The following SSPN variants were observed in gnomAD, a reference collection of about 807,000 sequenced individuals.
SSPN encodes the protein sarcospan.
In SSPN, 15 loss-of-function variants were observed where a neutral mutation model predicts 19.1. That is an observed-to-expected ratio of 0.78 (90% CI 0.52 to 1.21). The LOEUF is 1.21. SSPN is among the 50% of genes most tolerant of loss of function. The probability of loss-of-function intolerance (pLI) is 0.00; values close to 1 mark genes in which losing one functional copy is unlikely to be tolerated. For synonymous variants in SSPN, 147 were observed against 140.3 expected (o/e 1.05, Z -0.34); for missense variants, 291 against 314.0 (o/e 0.93, Z 0.55).
At chr12:26,201,368 AC>A (rs1201073211) in intron 1 of SSPN, among the ~76,000 whole-genome samples, 1 of 150,700 alleles carries the variant, frequency 6.6e-6, no homozygotes, top group Non-Finnish European at 1.5e-5. Context: ...ACAGAGTGAG[AC>A]CCCATAACAG....
chr12:26,158,087 T>A (rs1412630742), intron 1 of SSPN, among the ~76,000 whole-genome samples: 1 of 152,220 alleles, frequency 6.6e-6, no homozygotes, highest in Non-Finnish European at 1.5e-5. Context: ...AATATGTTGA[T>A]TTTAATTATT....
intron 1 of SSPN, among the ~76,000 whole-genome samples, chr12:26,213,104 G>A (rs1945008825): frequency 6.7e-6 from 1 of 148,906 alleles, no homozygotes; most frequent in Admixed American, 6.7e-5. Flanking sequence ...CATATGGCCA[G>A]AAAAATAGTT....
intron 1 of SSPN, among the ~76,000 whole-genome samples, chr12:26,215,809 T>C (rs1945041634): frequency 1.3e-5 from 2 of 152,122 alleles, no homozygotes; most frequent in Admixed American, 6.5e-5. Context: ...TGCAATGAGG[T>C]CATATTTAAA....
intron 1 of SSPN, among the ~76,000 whole-genome samples, chr12:26,129,560 G>C (rs1268798981): frequency 6.6e-6 from 1 of 152,218 alleles, no homozygotes; most frequent in Non-Finnish European, 1.5e-5. Context: ...GTTATTTGCT[G>C]AAAGTACCGG....
intron 1 of SSPN, among the ~76,000 whole-genome samples, chr12:26,185,090 C>T (rs868042570): frequency 1.3e-5 from 2 of 152,122 alleles, no homozygotes; most frequent in Admixed American, 6.5e-5. Flanking sequence ...AGAAACAGAA[C>T]TTAAGCTAAT....
chr12:26,154,077 G>A (rs1203227279), intron 1 of SSPN, among the ~76,000 whole-genome samples: 1 of 152,142 alleles, frequency 6.6e-6, no homozygotes, highest in Non-Finnish European at 1.5e-5. Flanking sequence ...GCAGATATGT[G>A]CAAAAAAACC....
intron 1 of SSPN, among the ~76,000 whole-genome samples, chr12:26,197,811 A>G (rs1192421151): frequency 2.0e-5 from 3 of 152,338 alleles, no homozygotes; most frequent in Admixed American, 2.0e-4. Context: ...GTTTGCTCTC[A>G]GTACATAGCC....
At chr12:26,214,899 A>AC (rs1232553985) in intron 1 of SSPN, 2 of 2,658 alleles carry the variant, frequency 7.5e-4, no homozygotes, top group East Asian at 0.053. Context: ...CCTTTAAAAA[A>AC]AAACACATTG....
intron 1 of SSPN, 113 bp downstream of exon 1, chr12:26,196,064 T>A: frequency 1.1e-6 from 1 of 916,890 alleles, no homozygotes; most frequent in Non-Finnish European, 1.5e-6. Flanking sequence ...TTCACTCTTC[T>A]AACTCGCGCT....
intron 1 of SSPN, among the ~76,000 whole-genome samples, chr12:26,186,313 G>T (rs1174684181): frequency 1.3e-5 from 2 of 152,082 alleles, no homozygotes; most frequent in Non-Finnish European, 2.9e-5. Context: ...TTAATTTTAT[G>T]ATTTAGGTTA....
intron 1 of SSPN, among the ~76,000 whole-genome samples, chr12:26,211,824 A>T (rs1327003923): frequency 1.3e-5 from 2 of 152,330 alleles, no homozygotes; most frequent in East Asian, 3.9e-4. Context: ...GCAAATTACA[A>T]TGTAACTTTG....
At chr12:26,123,035 G>C (rs1291045624) in intron 1 of SSPN, 1 of 1,575,868 alleles carries the variant, frequency 6.3e-7, no homozygotes, top group East Asian at 2.3e-5. Context: ...TGATCAGCTG[G>C]ACACACCGCG....
rs529642432 is a variant in SSPN, at chr12:26,122,765, C to T, written c.-31+613C>T. On this transcript the variant is annotated intron_variant, in intron 1 of 2. Coordinates refer to the SSPN transcript ENST00000538142. Reference sequence around the variant, plus strand: ...CCGCGCCTTTGCCTTTCTCGCGGTCCGGCCGGGCCTCGGCTTCGCCGCCGT... The same window carrying T: ...CCGCGCCTTTGCCTTTCTCGCGGTCTGGCCGGGCCTCGGCTTCGCCGCCGT... The T allele has an allele frequency of 1.3e-4, 213 of 1,592,424 alleles. 1 individual carries two copies. The South Asian group carries it at 1.8e-3, about 13-fold the overall frequency.
intron 1 of SSPN, among the ~76,000 whole-genome samples, chr12:26,137,636 G>GTATGTATATA (rs1555175654): frequency 1.3e-3 from 41 of 31,378 alleles, no homozygotes; most frequent in South Asian, 4.6e-3. Flanking sequence ...GTGTGTGTAT[G>GTATGTATATA]TATATATATA....
chr12:26,143,241 A>G (rs1944470829), intron 1 of SSPN, among the ~76,000 whole-genome samples: 1 of 152,236 alleles, frequency 6.6e-6, no homozygotes, highest in African/African-American at 2.4e-5. Flanking sequence ...ATATTTCTTT[A>G]AGATGATGGT....
At chr12:26,179,552 C>T (rs1189087474) in intron 1 of SSPN, among the ~76,000 whole-genome samples, 2 of 152,100 alleles carry the variant, frequency 1.3e-5, no homozygotes, top group East Asian at 1.9e-4. Flanking sequence ...TGCTTAGGGG[C>T]CTTGTATTCC....
intron 1 of SSPN, among the ~76,000 whole-genome samples, chr12:26,143,716 C>T (rs892863283): frequency 6.6e-6 from 1 of 152,186 alleles, no homozygotes; most frequent in Non-Finnish European, 1.5e-5. Flanking sequence ...CAAATAGTTA[C>T]ATTTTTGTGA....
intron 1 of SSPN, among the ~76,000 whole-genome samples, chr12:26,189,155 T>A (rs551801666): frequency 4.6e-5 from 7 of 152,186 alleles, no homozygotes; most frequent in Non-Finnish European, 1.0e-4. Context: ...TAAAGATACA[T>A]AAACCTTTCT....
intron 1 of SSPN, among the ~76,000 whole-genome samples, chr12:26,165,987 T>C (rs1439938080): frequency 1.3e-5 from 2 of 152,220 alleles, no homozygotes; most frequent in Non-Finnish European, 2.9e-5. Flanking sequence ...TCACCTCTTG[T>C]ACAGCCCTGT....
Sources: allele counts gnomAD v4.1 joint callset (sites outside exome capture counted in the v4.1 genomes callset), GRCh38; gene constraint gnomAD v4.1.1; transcripts MANE v1.5; gene names NCBI Gene and HGNC (gene_info 2026-07-23, HGNC 2026-07-21).